HEYL: variants seen among roughly 807,000 people sequenced by gnomAD.
HEYL encodes the protein hes related family bHLH transcription factor with YRPW motif like, also known as hairy/enhancer-of-split related with YRPW motif-like protein.
Under a neutral mutation model 18.6 loss-of-function variants are expected in HEYL, and 12 were observed. That is an observed-to-expected ratio of 0.65 (90% CI 0.41 to 1.05). The LOEUF (loss-of-function observed/expected upper bound fraction) is 1.05, where lower values mean the gene tolerates loss of function less well. Ranked by LOEUF, HEYL falls within the 50% of genes least tolerant of loss-of-function variation. The pLI is 0.00. For synonymous variants in HEYL, 159 were observed against 179.6 expected (o/e 0.89, Z 0.91); for missense variants, 420 against 444.7 (o/e 0.94, Z 0.50).
Position 39,630,254 on chromosome 1 carries a change from T to C in HEYL, c.286A>G (p.Lys96Glu), listed in dbSNP as rs746579964. 2 of 1,614,104 alleles carry C rather than the reference T, an allele frequency of 1.2e-6. No individual in the cohort carries two copies. The highest frequency in any genetic ancestry group is 3.3e-5 in the Admixed American group (2 of 60,020). Residue 96 changes from lysine to glutamate, a missense_variant, in exon 4 of 5, where the codon AAA (lysine) becomes GAA (glutamate). Physicochemically the swap from Lys to Glu is moderately conservative, Grantham distance 56. Transcript: ENST00000372852. ...GTCCCACCAGTGGCATGGAGCATTT[T>C]CAAGTGATCCACCGTCATCTGCAAG... ...EVLQMTVDHL[K>E]MLHATGGTGF...
At chr1:39,628,951 G>A (rs1232314710) in intron 4 of HEYL, among the ~76,000 whole-genome samples, 1 of 152,146 alleles carries the variant, frequency 6.6e-6, no homozygotes, top group Non-Finnish European at 1.5e-5. Flanking sequence ...ATTTCATCAA[G>A]TTATCTAATT....
rs533926222 is a variant in HEYL, at chr1:39,629,599, G to C, written c.313+628C>G. Among the ~76,000 whole-genome samples the C allele has an allele frequency of 5.9e-5, 9 of 152,320 alleles. No homozygotes were observed. The East Asian group carries it at 1.3e-3, about 23-fold the overall frequency. ...TAGGTCTTTGTGGCCAAGGCCTGTGGAGCTTTCAAGGTTTCCCAATTTTGA... is the reference window on the plus strand; with the variant it reads ...TAGGTCTTTGTGGCCAAGGCCTGTGCAGCTTTCAAGGTTTCCCAATTTTGA... On this transcript the variant is annotated intron_variant, in intron 4 of 4. Coordinates refer to ENST00000372852, the MANE Select transcript of HEYL (RefSeq NM_014571.4).
chr1:39,628,342 C>G (rs180747249), intron 4 of HEYL, among the ~76,000 whole-genome samples: 2 of 152,026 alleles, frequency 1.3e-5, no homozygotes, highest in Admixed American at 1.3e-4. Context: ...TGCAGTGGCA[C>G]GATCTTGGCT....
intron 1 of HEYL, among the ~76,000 whole-genome samples, chr1:39,634,796 A>G (rs1453017780): frequency 6.6e-6 from 1 of 152,228 alleles, no homozygotes; most frequent in East Asian, 1.9e-4. Flanking sequence ...CATAAGCTCC[A>G]TGAGGCCATG....
At chr1:39,632,952 G>T (rs142989794) in intron 1 of HEYL, 77,277 of 984,442 alleles carry the variant, frequency 0.078, 3,347 homozygotes, top group Non-Finnish European at 0.088. Flanking sequence ...CTCGCTCCTC[G>T]CCCCTCGCGG....
At position 39,623,566 on chromosome 1, in the gene HEYL, A is replaced by G. The variant is rs1436968404; in HGVS notation, c.*2941T>C. Among the ~76,000 whole-genome samples the G allele has an allele frequency of 6.6e-6, 1 of 152,272 alleles. No individual in the cohort carries two copies. ...GAGCTTACACTCGAGTGGGAGGCAC[A>G]GTCAACCAACAAGTAAATTACACAA... On this transcript the variant is annotated 3_prime_UTR_variant, in exon 5 of 5. Coordinates refer to ENST00000372852, the MANE Select transcript of HEYL (RefSeq NM_014571.4).
rs952559416 is a variant in HEYL, at chr1:39,632,932, C to A, written c.81-217G>T. The A allele has an allele frequency of 2.9e-5, 29 of 985,136 alleles. 1 individual carries two copies. In the Admixed American group the frequency reaches 1.2e-3, roughly 40 times the overall value. The allele number at this position is 985,136 out of a possible 1,614,324, so 61.0% of individuals were successfully genotyped here. A position where few individuals can be genotyped will look rare whatever the true frequency, so the allele number is the denominator to read the frequency against. ...CGGACCTGCTCGGCCTCGCCCTTCG[C>A]CCCTCGCTCCTCGCTCCTCGCCCCT... On this transcript the variant is annotated intron_variant, in intron 1 of 4. Coordinates refer to ENST00000372852, the MANE Select transcript of HEYL (RefSeq NM_014571.4).
rs575264965 is a variant in HEYL, at chr1:39,639,318, G to A, written c.80+228C>T. 3.3e-5 allele frequency among the ~76,000 whole-genome samples: 5 copies of A among 152,246 alleles called. No individual in the cohort carries two copies. In the South Asian group the frequency reaches 1.0e-3, roughly 32 times the overall value. On this transcript the variant is annotated intron_variant, in intron 1 of 4. Coordinates refer to ENST00000372852, the MANE Select transcript of HEYL (RefSeq NM_014571.4). ...CCCCCGAGCTGAACTCTCCCTCCCT[G>A]CCAGCATCCCCAGCCCTGCACGACC...
rs1646305491 is a variant in HEYL, at chr1:39,627,141, C to T, written c.353G>A (p.Ser118Asn). The change falls in exon 5 of 5, where the codon AGC becomes AAC. Residue 118 changes from serine (S) to asparagine (N), a missense_variant. Transcript: ENST00000372852. ...AGTGAGGCACTCCCGAAAACCAATG[C>T]TCCGGAAGTCAACTGCCAGGGCTCG... ...DARALAVDFR[S>N]IGFRECLTEV... is the part of the protein sequence containing the mutation. 1 of 1,613,304 alleles carries T rather than the reference C, an allele frequency of 6.2e-7. No homozygotes were observed. Among genetic ancestry groups the T allele is most frequent in the Non-Finnish European group, 8.5e-7 (1 of 1,179,454 alleles).
At chr1:39,632,927 C>T in intron 1 of HEYL, 1 of 985,318 alleles carries the variant, frequency 1.0e-6, no homozygotes, top group Non-Finnish European at 1.2e-6. Context: ...CGGCCTCGCC[C>T]TTCGCCCCTC....
At chr1:39,632,624 C>G in intron 2 of HEYL, 25 bp downstream of exon 2, 1 of 1,606,424 alleles carries the variant, frequency 6.2e-7, no homozygotes, top group Non-Finnish European at 8.5e-7. Context: ...TGTTGGTCAA[C>G]TCAGAGGCTG....
intron 4 of HEYL, among the ~76,000 whole-genome samples, chr1:39,627,531 T>C (rs1281671018): frequency 6.6e-6 from 1 of 152,252 alleles, no homozygotes; most frequent in Non-Finnish European, 1.5e-5. Flanking sequence ...GGTTATGCAC[T>C]TGGAGGTGTA....
rs909461440 is a variant in HEYL at position 39,626,629 on chromosome 1, AC to A, written c.864del (p.Ser289ArgfsTer77). 6.5e-7 allele frequency: 1 copy of A among 1,541,116 alleles called. No individual in the cohort carries two copies. Among genetic ancestry groups the A allele is most frequent in the African/African-American group, 1.4e-5 (1 of 72,596 alleles). On this transcript the variant is annotated frameshift_variant, in exon 5 of 5. Coordinates refer to ENST00000372852, the MANE Select transcript of HEYL (RefSeq NM_014571.4). LOFTEE classifies it low-confidence loss of function (END_TRUNC). ...GTGGGAACAGCCACGTAAGCAGCCGACCCTGTAGGACCAGGGGGTGTTGGGG... is the reference window on the plus strand; with the variant it reads ...GTGGGAACAGCCACGTAAGCAGCCGACCTGTAGGACCAGGGGGTGTTGGGG... ...SSSPTPPGPTGSAAYVAVPTP... is the reference protein window; with the variant it reads ...SSSPTPPGPTXSAAYVAVPTP...
chr1:39,627,064 G>T lies in HEYL; in HGVS notation c.430C>A (p.Pro144Thr). Residue 144 changes from proline (P) to threonine (T), a missense_variant, in exon 5 of 5, where the codon CCC becomes ACC. Physicochemically the swap from Pro to Thr is conservative, Grantham distance 38 (BLOSUM62 -1). Transcript: ENST00000372852. ...VLEGPSSRAD[P>T]VRIRLLSHLN... is the part of the protein sequence containing the mutation. ...TGGGAGAGAAGGCGAATCCGGACGGGGTCTGCACGGCTGCTGGGCCCTTCA... is the reference window on the plus strand; with the variant it reads ...TGGGAGAGAAGGCGAATCCGGACGGTGTCTGCACGGCTGCTGGGCCCTTCA... 1.2e-6 allele frequency: 2 copies of T among 1,614,158 alleles called. No individual in the cohort carries two copies. The highest frequency in any genetic ancestry group is 1.7e-6 in the Non-Finnish European group (2 of 1,180,012).
At chr1:39,630,804 C>G (rs192348096) in intron 3 of HEYL, among the ~76,000 whole-genome samples, 1 of 152,340 alleles carries the variant, frequency 6.6e-6, no homozygotes, top group East Asian at 1.9e-4. Flanking sequence ...TCTTTTCTCT[C>G]TTGGGAAATG....
intron 4 of HEYL, among the ~76,000 whole-genome samples, chr1:39,627,715 C>T (rs945653795): frequency 1.6e-4 from 24 of 152,226 alleles, no homozygotes; most frequent in African/African-American, 5.8e-4. Flanking sequence ...AACTAGCTGC[C>T]TGATTGTGGA....
Position 39,639,629 on chromosome 1 carries a change from G to T in HEYL, c.-4C>A. ...TCGGCTCCTTGGGTCGCTTCATGGCGAACGCAGGCTGCCTGGTCTCAGCCC... is the reference window on the plus strand; with the variant it reads ...TCGGCTCCTTGGGTCGCTTCATGGCTAACGCAGGCTGCCTGGTCTCAGCCC... On this transcript the variant is annotated 5_prime_UTR_variant, in exon 1 of 5. Transcript: ENST00000372852. 1.3e-6 allele frequency: 2 copies of T among 1,551,780 alleles called. No individual in the cohort carries two copies. Among genetic ancestry groups the T allele is most frequent in the Non-Finnish European group, 1.7e-6 (2 of 1,155,422 alleles).
At chr1:39,639,431 C>T (rs2124126395) in intron 1 of HEYL, 115 bp downstream of exon 1, 4 of 786,594 alleles carry the variant, frequency 5.1e-6, no homozygotes, top group Non-Finnish European at 1.9e-6. Flanking sequence ...CCCGCGCTCA[C>T]CTGCCTCTGC....
rs774436953 is a variant in HEYL, at chr1:39,639,499, A to T, written c.80+47T>A. ...CGGCGAGCCCGTCGGGCCGACCCCC[A>T]CCCCGCTCGCCCTCCGCCTGCTCGG... On this transcript the variant is annotated intron_variant, in intron 1 of 4. Coordinates refer to ENST00000372852, the MANE Select transcript of HEYL (RefSeq NM_014571.4). 3 of 1,489,682 alleles carry T rather than the reference A, an allele frequency of 2.0e-6. No homozygotes were observed. The South Asian group carries it at 3.7e-5, about 18-fold the overall frequency. 92.3% of individuals were successfully genotyped at this position (1,489,682 alleles called of 1,614,324 possible). A position where few individuals can be genotyped will look rare whatever the true frequency, so the allele number is the denominator to read the frequency against.
Sources: allele counts gnomAD v4.1 joint callset (sites outside exome capture counted in the v4.1 genomes callset), GRCh38; gene constraint gnomAD v4.1.1; transcripts MANE v1.5; gene names NCBI Gene and HGNC (gene_info 2026-07-23, HGNC 2026-07-21).